Variants in C3orf70 observed in about 807,000 individuals in gnomAD.
The protein encoded by C3orf70 is chromosome 3 open reading frame 70.
C3orf70 carries 15 observed loss-of-function variants against 20.7 expected under a neutral mutation model. The ratio of observed to expected loss-of-function variants is 0.72; its 90% CI spans 0.48 to 1.11. The LOEUF (loss-of-function observed/expected upper bound fraction) is 1.11. Among genes scored for constraint, C3orf70 ranks in the 50% most tolerant of loss-of-function variants. C3orf70 has a pLI of 0.00. For synonymous variants in C3orf70, 161 were observed against 125.7 expected (o/e 1.28, Z -1.88); for missense variants, 332 against 317.6 (o/e 1.05, Z -0.34).
chr3:185,099,251 G>C (rs1378095726), intron 1 of C3orf70, among the ~76,000 whole-genome samples: 2 of 152,084 alleles, frequency 1.3e-5, no homozygotes, highest in East Asian at 3.8e-4. Flanking sequence ...CTTCACAAGA[G>C]GATCATCCCC....
chr3:185,140,241 G>GT (rs1331521297), intron 1 of C3orf70, among the ~76,000 whole-genome samples: 1 of 152,144 alleles, frequency 6.6e-6, no homozygotes, highest in Non-Finnish European at 1.5e-5. Context: ...TAATCATGCA[G>GT]TTTTTTGGCA....
intron 1 of C3orf70, among the ~76,000 whole-genome samples, chr3:185,106,389 A>T (rs1450474630): frequency 6.6e-6 from 1 of 152,340 alleles, no homozygotes; most frequent in East Asian, 1.9e-4. Context: ...GGATAAAGGA[A>T]ATACTCCATT....
At chr3:185,131,124 C>T (rs915688012) in intron 1 of C3orf70, among the ~76,000 whole-genome samples, 2 of 152,198 alleles carry the variant, frequency 1.3e-5, no homozygotes, top group Non-Finnish European at 2.9e-5. Flanking sequence ...CAACACTTAT[C>T]TTTCTTTGTG....
chr3:185,126,439 C>A lies in C3orf70; in HGVS notation c.196+26189G>T, dbSNP rs2108600976. 1.3e-5 allele frequency among the ~76,000 whole-genome samples: 2 copies of A among 152,196 alleles called. 1 individual carries two copies. Among genetic ancestry groups the A allele is most frequent in the Middle Eastern group, 6.8e-3 (2 of 294 alleles). On this transcript the variant is annotated intron_variant, in intron 1 of 1. Transcript: ENST00000335012. ...TGAAATTCAGGGATATATGACAAAA[C>A]AGATATAGAACAGCATCATTACTGT... is the stretch of plus-strand genomic sequence containing the variant.
intron 1 of C3orf70, among the ~76,000 whole-genome samples, chr3:185,089,492 T>A (rs1360567400): frequency 1.3e-5 from 2 of 152,200 alleles, no homozygotes; most frequent in Non-Finnish European, 2.9e-5. Context: ...CCCTAGTTCC[T>A]TTTATTAAGA....
Position 185,077,128 on chromosome 3 carries a change from G to A in C3orf70, c.*5879C>T, listed in dbSNP as rs1294334207. Among the ~76,000 whole-genome samples the A allele has an allele frequency of 1.3e-5, 2 of 152,108 alleles. No homozygotes were observed. The highest frequency in any genetic ancestry group is 4.8e-5 in the African/African-American group (2 of 41,386). On this transcript the variant is annotated 3_prime_UTR_variant, in exon 2 of 2. Coordinates refer to ENST00000335012, the MANE Select transcript of C3orf70 (RefSeq NM_001025266.3). ...TATTTGCAGAGACATGGTATAGGGT[G>A]CGGGGTGGGGGGGCACTGTATGGAG...
intron 1 of C3orf70, among the ~76,000 whole-genome samples, chr3:185,108,066 A>G (rs1715984133): frequency 6.6e-6 from 1 of 152,230 alleles, no homozygotes; most frequent in South Asian, 2.1e-4. Context: ...CGAAGGCACA[A>G]ATACAGCAAG....
At chr3:185,141,831 CACACAT>C (rs1232749053) in intron 1 of C3orf70, among the ~76,000 whole-genome samples, 1 of 151,110 alleles carries the variant, frequency 6.6e-6, no homozygotes, top group East Asian at 1.9e-4. Flanking sequence ...CACACACACA[CACACAT>C]TTCCTAAATT....
chr3:185,095,403 C>T (rs1010368440), intron 1 of C3orf70, among the ~76,000 whole-genome samples: 1 of 152,178 alleles, frequency 6.6e-6, no homozygotes, highest in African/African-American at 2.4e-5. Flanking sequence ...CTACAGATAC[C>T]AAACAAGTTA....
At chr3:185,122,843 G>A (rs1223902643) in intron 1 of C3orf70, among the ~76,000 whole-genome samples, 1 of 151,770 alleles carries the variant, frequency 6.6e-6, no homozygotes, top group African/African-American at 2.4e-5. Context: ...CTTTTCTTCC[G>A]CTCCTTGGAC....
chr3:185,078,352 C>T lies in C3orf70; in HGVS notation c.*4655G>A, dbSNP rs1175065836. 1.3e-5 allele frequency: 2 copies of T among 152,432 alleles called. No individual in the cohort carries two copies. The highest frequency in any genetic ancestry group is 6.5e-5 in the Admixed American group (1 of 15,286). The allele number at this position is 152,432 out of a possible 1,614,324, so 9.4% of individuals were successfully genotyped here. A position where few individuals can be genotyped will look rare whatever the true frequency, so the allele number is the denominator to read the frequency against. Reference sequence around the variant, plus strand: ...TGTTCAGGCTACTAAGAGAACACTGCTTCAACCTTAATCGAAAAAAGAAGT... The same window carrying T: ...TGTTCAGGCTACTAAGAGAACACTGTTTCAACCTTAATCGAAAAAAGAAGT... On this transcript the variant is annotated 3_prime_UTR_variant, in exon 2 of 2. Coordinates refer to ENST00000335012, the MANE Select transcript of C3orf70 (RefSeq NM_001025266.3).
At chr3:185,117,420 C>T (rs1045656948) in intron 1 of C3orf70, among the ~76,000 whole-genome samples, 1 of 43,720 alleles carries the variant, frequency 2.3e-5, no homozygotes, top group African/African-American at 1.2e-4. Flanking sequence ...CACACACATA[C>T]ACACACACAC....
At chr3:185,085,844 T>C (rs1283858766) in intron 1 of C3orf70, among the ~76,000 whole-genome samples, 3 of 151,848 alleles carry the variant, frequency 2.0e-5, no homozygotes, top group Admixed American at 1.3e-4. Flanking sequence ...GGGCACGGGA[T>C]AGAGAACGGA....
At chr3:185,090,517 G>A (rs772125239) in intron 1 of C3orf70, among the ~76,000 whole-genome samples, 3 of 152,068 alleles carry the variant, frequency 2.0e-5, no homozygotes, top group Non-Finnish European at 2.9e-5. Flanking sequence ...ATTTGTGCAA[G>A]CAAAATATAA....
intron 1 of C3orf70, among the ~76,000 whole-genome samples, chr3:185,133,660 G>A (rs1250535675): frequency 6.6e-6 from 1 of 152,188 alleles, no homozygotes; most frequent in Non-Finnish European, 1.5e-5. Context: ...AGAATCCCTT[G>A]AACCCTGGGG....
intron 1 of C3orf70, among the ~76,000 whole-genome samples, chr3:185,120,235 A>T (rs1716270061): frequency 6.6e-6 from 1 of 152,126 alleles, no homozygotes; most frequent in Non-Finnish European, 1.5e-5. Flanking sequence ...AAATTTTGAA[A>T]ATTATTCATT....
chr3:185,147,224 A>C (rs1195376854), intron 1 of C3orf70, among the ~76,000 whole-genome samples: 1 of 152,000 alleles, frequency 6.6e-6, no homozygotes, highest in Non-Finnish European at 1.5e-5. Context: ...TCTTCTACAG[A>C]AAACTGAGCT....
At chr3:185,141,624 G>C (rs902174960) in intron 1 of C3orf70, among the ~76,000 whole-genome samples, 2 of 152,166 alleles carry the variant, frequency 1.3e-5, no homozygotes, top group Admixed American at 6.5e-5. Context: ...GATCTCCAGA[G>C]AGTTATGCTG....
chr3:185,116,649 G>A (rs982599171), intron 1 of C3orf70, among the ~76,000 whole-genome samples: 1 of 152,168 alleles, frequency 6.6e-6, no homozygotes, highest in Non-Finnish European at 1.5e-5. Flanking sequence ...GAGAACCACT[G>A]CCTTAATTTG....
Sources: allele counts gnomAD v4.1 joint callset (sites outside exome capture counted in the v4.1 genomes callset), GRCh38; gene constraint gnomAD v4.1.1; transcripts MANE v1.5; gene names NCBI Gene and HGNC (gene_info 2026-07-23, HGNC 2026-07-21).